DCLK1: variants seen among roughly 807,000 people sequenced by gnomAD.
DCLK1 encodes the protein serine/threonine-protein kinase DCLK1.
In DCLK1, 16 loss-of-function variants were observed where a neutral mutation model predicts 86.2. The observed-to-expected ratio is 0.19, with a 90% CI of 0.13 to 0.28. The LOEUF (loss-of-function observed/expected upper bound fraction) is 0.28, where lower values mean the gene tolerates loss of function less well. Ranked by LOEUF, DCLK1 falls within the 10% of genes least tolerant of loss-of-function variation. The probability of loss-of-function intolerance (pLI) is 1.00; values close to 1 mark genes in which losing one functional copy is unlikely to be tolerated. For missense variants in DCLK1, 590 were observed against 940.2 expected, an observed-to-expected ratio of 0.63 and a Z score of 4.87; for synonymous variants, 369 against 370.5, an observed-to-expected ratio of 1.00 and a Z score of 0.05.
At chr13:36,040,676 G>A (rs536271409) in intron 3 of DCLK1, among the ~76,000 whole-genome samples, 2 of 151,926 alleles carry the variant, frequency 1.3e-5, no homozygotes, top group Non-Finnish European at 2.9e-5. Context: ...GGAGTGGGGA[G>A]TTATGTTCCA....
In DCLK1 at chr13:35,919,401, G is replaced by A. The variant is rs547362570; in HGVS notation, c.823+27957C>T. ...AACAAACCAAACCACACAAACCCTTGCATCCAGTGGTTTCAAACATTTTAA... is the reference window on the plus strand; with the variant it reads ...AACAAACCAAACCACACAAACCCTTACATCCAGTGGTTTCAAACATTTTAA... On this transcript the variant is annotated intron_variant, in intron 4 of 16. Coordinates refer to ENST00000360631, the MANE Select transcript of DCLK1 (RefSeq NM_001330071.2). 2.0e-5 allele frequency among the ~76,000 whole-genome samples: 3 copies of A among 152,238 alleles called. No homozygotes were observed. The East Asian group carries it at 5.8e-4, about 29-fold the overall frequency.
At chr13:35,901,254 A>G (rs1398337571) in intron 4 of DCLK1, among the ~76,000 whole-genome samples, 1 of 152,160 alleles carries the variant, frequency 6.6e-6, no homozygotes, top group African/African-American at 2.4e-5. Flanking sequence ...TGGGAGGCCA[A>G]TGCAGGTGGA....
chr13:35,939,119 A>G (rs1351943754), intron 4 of DCLK1, among the ~76,000 whole-genome samples: 2 of 152,158 alleles, frequency 1.3e-5, no homozygotes, highest in African/African-American at 4.8e-5. Context: ...AAAGGTAGCT[A>G]TGATCGGGAA....
At chr13:35,979,975 G>A (rs944667361) in intron 3 of DCLK1, among the ~76,000 whole-genome samples, 4 of 152,130 alleles carry the variant, frequency 2.6e-5, no homozygotes, top group South Asian at 2.1e-4. Context: ...GGGACCAATA[G>A]GAGATACACT....
At chr13:35,947,558 A>C in intron 3 of DCLK1, 101 bp from the exon 4 acceptor site, 2 of 884,598 alleles carry the variant, frequency 2.3e-6, no homozygotes, top group Non-Finnish European at 3.5e-6. Flanking sequence ...TTCCCACCTA[A>C]TGGAATCAAC....
intron 3 of DCLK1, among the ~76,000 whole-genome samples, chr13:36,045,332 GTA>G (rs1174545505): frequency 0.094 from 5,118 of 54,688 alleles, 128 homozygotes; most frequent in Non-Finnish European, 0.12. Context: ...GTGTGTGTGT[GTA>G]TATATATATA....
At chr13:35,821,956 T>A (rs139703899) in intron 11 of DCLK1, among the ~76,000 whole-genome samples, 5 of 152,180 alleles carry the variant, frequency 3.3e-5, no homozygotes, top group Non-Finnish European at 7.4e-5. Flanking sequence ...TCTCCGTTTT[T>A]AAAAATTAGT....
intron 7 of DCLK1, among the ~76,000 whole-genome samples, chr13:35,836,381 G>T (rs1869381787): frequency 6.6e-6 from 1 of 152,178 alleles, no homozygotes. Context: ...CTATATAAGA[G>T]AAACTTGAGT....
At chr13:35,940,129 G>C (rs1876997958) in intron 4 of DCLK1, among the ~76,000 whole-genome samples, 1 of 151,962 alleles carries the variant, frequency 6.6e-6, no homozygotes, top group Non-Finnish European at 1.5e-5. Context: ...GATGAGGCAG[G>C]AGAATCGCTT....
chr13:35,865,909 T>A (rs1319571293), intron 5 of DCLK1, among the ~76,000 whole-genome samples: 1 of 152,222 alleles, frequency 6.6e-6, no homozygotes, highest in African/African-American at 2.4e-5. Flanking sequence ...GCCAAGGGAC[T>A]AATACTTAGG....
chr13:35,961,058 C>T (rs1011224266), intron 3 of DCLK1, among the ~76,000 whole-genome samples: 5 of 152,150 alleles, frequency 3.3e-5, no homozygotes, highest in Admixed American at 3.3e-4. Context: ...CAATATAGAA[C>T]AGCATATAAT....
intron 4 of DCLK1, among the ~76,000 whole-genome samples, chr13:35,888,171 C>G (rs1873409678): frequency 6.6e-6 from 1 of 152,120 alleles, no homozygotes; most frequent in Non-Finnish European, 1.5e-5. Flanking sequence ...TTCTCATGTT[C>G]TCTAATTACT....
chr13:35,877,600 C>T (rs372111033), intron 4 of DCLK1, among the ~76,000 whole-genome samples: 6 of 152,202 alleles, frequency 3.9e-5, no homozygotes, highest in African/African-American at 1.2e-4. Context: ...TTTTTGAAAC[C>T]AACCAGCATA....
At chr13:35,996,429 T>G (rs1880481919) in intron 3 of DCLK1, among the ~76,000 whole-genome samples, 1 of 152,262 alleles carries the variant, frequency 6.6e-6, no homozygotes, top group South Asian at 2.1e-4. Flanking sequence ...AGCACTATTC[T>G]GCACATTTCT....
chr13:35,803,847 T>C (rs1232331451), intron 15 of DCLK1, among the ~76,000 whole-genome samples: 1 of 152,198 alleles, frequency 6.6e-6, no homozygotes, highest in Admixed American at 6.5e-5. Flanking sequence ...TTTATATCAA[T>C]GAGCTGACAA....
chr13:35,958,166 C>CACCACTACCACTACTATA, intron 3 of DCLK1, among the ~76,000 whole-genome samples: 1 of 91,408 alleles, frequency 1.1e-5, no homozygotes, highest in Non-Finnish European at 2.2e-5. Context: ...TAACCATCAC[C>CACCACTACCACTACTATA]ACCATCACCA....
At chr13:35,922,191 GA>G (rs954203807) in intron 4 of DCLK1, among the ~76,000 whole-genome samples, 1 of 152,080 alleles carries the variant, frequency 6.6e-6, no homozygotes, top group Non-Finnish European at 1.5e-5. Flanking sequence ...GAAAGTGACT[GA>G]AAAAATAAAT....
chr13:36,040,923 T>C (rs2153155131), intron 3 of DCLK1, among the ~76,000 whole-genome samples: 1 of 152,270 alleles, frequency 6.6e-6, no homozygotes, highest in East Asian at 1.9e-4. Flanking sequence ...ATCTCCATCA[T>C]TATGGGTTTG....
chr13:36,116,388 C>G (rs1320225821), intron 2 of DCLK1, among the ~76,000 whole-genome samples: 2 of 98,898 alleles, frequency 2.0e-5, no homozygotes, highest in African/African-American at 9.2e-5. Flanking sequence ...TAGAATATTT[C>G]CACTTAAAAT....
Sources: gnomAD v4.1 joint callset for allele counts (sites outside exome capture counted in the v4.1 genomes callset) on GRCh38, gnomAD v4.1.1 for gene constraint, MANE v1.5 for transcripts, NCBI Gene and HGNC (gene_info 2026-07-23, HGNC 2026-07-21) for gene names.